The following GPC6 variants were observed in gnomAD, a reference collection of about 807,000 sequenced individuals.
The protein encoded by GPC6 is glypican 6.
Under a neutral mutation model 55.2 loss-of-function variants are expected in GPC6, and 14 were observed. The observed-to-expected ratio is 0.25, with a 90% CI of 0.17 to 0.40. GPC6 has a LOEUF of 0.40. Ranked by LOEUF, GPC6 falls within the 10% of genes least tolerant of loss-of-function variation. The pLI is 1.00. For synonymous variants in GPC6, 278 were observed against 259.6 expected (o/e 1.07, Z -0.68); for missense variants, 641 against 708.5 (o/e 0.90, Z 1.08).
chr13:94,400,090 G>C (rs907258818), intron 8 of GPC6, among the ~76,000 whole-genome samples: 1 of 152,218 alleles, frequency 6.6e-6, no homozygotes, highest in Non-Finnish European at 1.5e-5. Context: ...AGGAGGCAGA[G>C]ATCTTACTCC....
At chr13:93,984,866 TAA>T (rs1378584460) in intron 3 of GPC6, among the ~76,000 whole-genome samples, 2 of 152,222 alleles carry the variant, frequency 1.3e-5, no homozygotes, top group African/African-American at 4.8e-5. Flanking sequence ...CTATCTTAGA[TAA>T]CTGGCTCTGA....
intron 3 of GPC6, among the ~76,000 whole-genome samples, chr13:93,880,292 A>T (rs1260635091): frequency 1.3e-5 from 2 of 152,016 alleles, no homozygotes; most frequent in Non-Finnish European, 2.9e-5. Context: ...ATTATTCACA[A>T]TAGCAAAGAC....
intron 2 of GPC6, among the ~76,000 whole-genome samples, chr13:93,616,458 C>T (rs1878727656): frequency 6.6e-6 from 1 of 152,038 alleles, no homozygotes. Flanking sequence ...TAAAACTTTA[C>T]ATTCGGGGTA....
chr13:93,895,234 GTATATATATA>G lies in GPC6; in HGVS notation c.711+64723_711+64732del, dbSNP rs60375718. Reference sequence around the variant, plus strand: ...TGTGTGTGTATGTATGTGTGTGTGTGTATATATATATATATATATATATATATATATATAT... The same window carrying G: ...TGTGTGTGTATGTATGTGTGTGTGTGTATATATATATATATATATATATAT... On this transcript the variant is annotated intron_variant, in intron 3 of 8. Transcript: ENST00000377047. Among the ~76,000 whole-genome samples, 123 of 108,202 alleles carry G rather than the reference GTATATATATA, an allele frequency of 1.1e-3. 2 individuals are homozygous for G. The highest frequency in any genetic ancestry group is 3.9e-3 in the East Asian group (15 of 3,888). The allele number at this position is 108,202 out of a possible 152,430, so 71.0% of individuals were successfully genotyped here.
chr13:93,792,574 G>A (rs780293215), intron 2 of GPC6, among the ~76,000 whole-genome samples: 1 of 152,174 alleles, frequency 6.6e-6, no homozygotes, highest in Non-Finnish European at 1.5e-5. Flanking sequence ...GCCTCCCAAA[G>A]TGCTGGGATT....
intron 6 of GPC6, among the ~76,000 whole-genome samples, chr13:94,359,671 T>C (rs577535796): frequency 7.2e-5 from 11 of 152,258 alleles, no homozygotes; most frequent in Non-Finnish European, 1.6e-4. Flanking sequence ...CCTTTTTTTT[T>C]TTGAAGAGAT....
At chr13:93,494,079 G>A (rs1158953494) in intron 1 of GPC6, among the ~76,000 whole-genome samples, 1 of 123,822 alleles carries the variant, frequency 8.1e-6, no homozygotes, top group Non-Finnish European at 1.7e-5. Flanking sequence ...GGGTATCCTT[G>A]TTGACTTTCT....
intron 5 of GPC6, among the ~76,000 whole-genome samples, chr13:94,299,301 C>T (rs564506372): frequency 5.6e-4 from 86 of 152,340 alleles, no homozygotes; most frequent in Non-Finnish European, 9.4e-4. Flanking sequence ...ATTCTATCTT[C>T]CCAACAGCTT....
chr13:93,486,384 T>C (rs1021299455), intron 1 of GPC6, among the ~76,000 whole-genome samples: 8 of 152,282 alleles, frequency 5.3e-5, no homozygotes, highest in Admixed American at 2.6e-4. Flanking sequence ...TAAATATTTT[T>C]ATAGATGCAC....
At position 93,493,535 on chromosome 13, in the gene GPC6, T is replaced by C. The variant is rs1418937408; in HGVS notation, c.161-51728T>C. 4.9e-5 allele frequency among the ~76,000 whole-genome samples: 6 copies of C among 121,818 alleles called. No homozygotes were observed. The Admixed American group carries it at 5.0e-4, about 10-fold the overall frequency. The allele number at this position is 121,818 out of a possible 152,430, so 79.9% of individuals were successfully genotyped here. On this transcript the variant is annotated intron_variant, in intron 1 of 8. Transcript: ENST00000377047. ...GTCTCTATTTCCTTCAGTTCTGCTC[T>C]GATCTTGGTTATTTCTTGCCTTCTG...
chr13:94,115,151 A>G (rs1389667288), intron 4 of GPC6, among the ~76,000 whole-genome samples: 1 of 152,178 alleles, frequency 6.6e-6, no homozygotes, highest in African/African-American at 2.4e-5. Flanking sequence ...GGTTTATAGA[A>G]TGAAATCATA....
chr13:94,402,915 G>A, intron 8 of GPC6, 100 bp from the exon 9 acceptor site: 3 of 897,216 alleles, frequency 3.3e-6, no homozygotes, highest in African/African-American at 1.6e-5. Flanking sequence ...CCTGACAGGT[G>A]GGGATTATGG....
At chr13:94,284,077 A>C (rs1892461508) in intron 4 of GPC6, among the ~76,000 whole-genome samples, 1 of 152,148 alleles carries the variant, frequency 6.6e-6, no homozygotes, top group South Asian at 2.1e-4. Flanking sequence ...GTTCTCCTAA[A>C]ACCCAGGGAG....
At chr13:94,203,237 A>G (rs1889808641) in intron 4 of GPC6, among the ~76,000 whole-genome samples, 1 of 151,644 alleles carries the variant, frequency 6.6e-6, no homozygotes, top group Non-Finnish European at 1.5e-5. Flanking sequence ...TATTTATAGA[A>G]CTAGAATTTG....
At chr13:93,881,831 G>C (rs1228108612) in intron 3 of GPC6, among the ~76,000 whole-genome samples, 1 of 151,990 alleles carries the variant, frequency 6.6e-6, no homozygotes, top group African/African-American at 2.4e-5. Flanking sequence ...AACGTTCTCT[G>C]ACAGGGAGAA....
intron 6 of GPC6, among the ~76,000 whole-genome samples, chr13:94,310,260 T>C (rs1876175541): frequency 6.6e-6 from 1 of 152,122 alleles, no homozygotes; most frequent in Non-Finnish European, 1.5e-5. Context: ...CTTAGAGGAA[T>C]ATATTTTATA....
intron 1 of GPC6, among the ~76,000 whole-genome samples, chr13:93,328,298 A>T (rs1879724760): frequency 6.6e-6 from 1 of 152,146 alleles, no homozygotes; most frequent in South Asian, 2.1e-4. Context: ...TGTGTGTGTT[A>T]TATTCTAAAG....
intron 2 of GPC6, among the ~76,000 whole-genome samples, chr13:93,598,827 CT>C (rs1458255570): frequency 2.6e-5 from 4 of 152,124 alleles, no homozygotes; most frequent in Non-Finnish European, 5.9e-5. Flanking sequence ...TGAAATTAAT[CT>C]GATATTTTAA....
At chr13:94,034,252 A>AAGGAAGGAAGGAGGGAAG (rs1594683128) in intron 4 of GPC6, among the ~76,000 whole-genome samples, 1 of 57,074 alleles carries the variant, frequency 1.8e-5, no homozygotes, top group South Asian at 5.7e-4. Flanking sequence ...AAGGAAGGAA[A>AAGGAAGGAAGGAGGGAAG]GAAAGAAAGA....
Sources: gnomAD v4.1 joint callset for allele counts (sites outside exome capture counted in the v4.1 genomes callset) on GRCh38, gnomAD v4.1.1 for gene constraint, MANE v1.5 for transcripts, NCBI Gene and HGNC (gene_info 2026-07-23, HGNC 2026-07-21) for gene names.